The following TENM2 variants were observed in gnomAD, a reference collection of about 807,000 sequenced individuals.
TENM2 encodes the protein teneurin-2.
A neutral mutation model predicts 245.2 loss-of-function variants in TENM2; 52 were observed. The ratio of observed to expected loss-of-function variants is 0.21; its 90% CI spans 0.17 to 0.27. TENM2 has a LOEUF of 0.27. Among genes scored for constraint, TENM2 ranks in the 10% least tolerant of loss-of-function variants. The pLI is 1.00. For synonymous variants in TENM2, 1,363 were observed against 1,438.9 expected (o/e 0.95, Z 1.19); for missense variants, 3,046 against 3,666.8 (o/e 0.83, Z 4.37).
At chr5:167,908,677 T>TTCTCTCTCCCTATCTGTTTCCCTC (rs1409193992) in intron 3 of TENM2, among the ~76,000 whole-genome samples, 2 of 145,034 alleles carry the variant, frequency 1.4e-5, no homozygotes, top group Non-Finnish European at 3.0e-5. Flanking sequence ...CTATTTCTTT[T>TTCTCTCTCCCTATCTGTTTCCCTC]TCTCTCTCCC....
intron 1 of TENM2, among the ~76,000 whole-genome samples, chr5:167,329,320 C>T (rs1486987359): frequency 2.2e-4 from 33 of 149,236 alleles, no homozygotes; most frequent in African/African-American, 7.4e-4. Flanking sequence ...CCGAGGCGGG[C>T]GGATCATGAG....
chr5:167,545,599 A>G (rs1280495799), intron 2 of TENM2, among the ~76,000 whole-genome samples: 1 of 152,212 alleles, frequency 6.6e-6, no homozygotes, highest in Non-Finnish European at 1.5e-5. Context: ...TTATACATCA[A>G]ATACAATAAA....
chr5:167,735,231 G>A (rs1226715484), intron 2 of TENM2, among the ~76,000 whole-genome samples: 1 of 152,110 alleles, frequency 6.6e-6, no homozygotes, highest in African/African-American at 2.4e-5. Flanking sequence ...TGATTCCCAT[G>A]TTGAAGTCTG....
chr5:167,435,709 A>G (rs1298346015), intron 2 of TENM2, among the ~76,000 whole-genome samples: 1 of 152,178 alleles, frequency 6.6e-6, no homozygotes, highest in Admixed American at 6.5e-5. Flanking sequence ...AGATAAAAAA[A>G]TGTGGGAAAG....
At chr5:167,207,549 C>T in the TENM2 span, among the ~76,000 whole-genome samples, 10 of 152,162 alleles carry the variant, frequency 6.6e-5, no homozygotes, top group Non-Finnish European at 1.0e-4. Flanking sequence ...CAAATCATCA[C>T]TTTGCAGCCA....
chr5:168,121,996 C>A (rs114733691), intron 10 of TENM2, among the ~76,000 whole-genome samples: 1,742 of 152,296 alleles, frequency 0.011, 14 homozygotes, highest in Middle Eastern at 0.054. Context: ...AAGTTGTTAG[C>A]ACAATTTCTG....
At position 167,875,845 on chromosome 5, in the gene TENM2, T is replaced by C. The variant is rs1242502349; in HGVS notation, c.503-141T>C. 13 of 633,708 alleles carry C rather than the reference T, an allele frequency of 2.1e-5. No individual in the cohort carries two copies. The East Asian group carries it at 3.6e-4, about 17-fold the overall frequency. 39.3% of individuals were successfully genotyped at this position (633,708 alleles called of 1,614,324 possible). Reference sequence around the variant, plus strand: ...TTTGGAGAAACATCAAACCACTCTTTTAAAAAAGCACATCTGGAGCAGTTC... The same window carrying C: ...TTTGGAGAAACATCAAACCACTCTTCTAAAAAAGCACATCTGGAGCAGTTC... On this transcript the variant is annotated intron_variant, in intron 2 of 28. Transcript: ENST00000518659.
At chr5:167,368,302 T>A (rs1760188478) in intron 1 of TENM2, among the ~76,000 whole-genome samples, 1 of 152,040 alleles carries the variant, frequency 6.6e-6, no homozygotes, top group African/African-American at 2.4e-5. Flanking sequence ...TTTTTCAAAG[T>A]GATAAAGAAT....
At chr5:168,261,897 A>G (rs1394609927) in intron 28 of TENM2, among the ~76,000 whole-genome samples, 152 bp from the exon 31 acceptor site, 3 of 152,200 alleles carry the variant, frequency 2.0e-5, no homozygotes, top group Non-Finnish European at 2.9e-5. Context: ...AGCCAACCAT[A>G]GTTCCAAAAG....
chr5:167,222,352 T>C, the TENM2 span, among the ~76,000 whole-genome samples: 1 of 152,204 alleles, frequency 6.6e-6, no homozygotes, highest in Admixed American at 6.5e-5. Context: ...GTACTATCTA[T>C]AGAAGACTCC....
intron 2 of TENM2, among the ~76,000 whole-genome samples, chr5:167,775,181 TGGTCTGGAACTCCCAACCTCA>T (rs894218583): frequency 2.0e-5 from 3 of 152,262 alleles, no homozygotes; most frequent in Admixed American, 2.0e-4. Context: ...TTGGCCAGGC[TGGTCTGGAACTCCCAACCTCA>T]GGTGATCTGC....
the TENM2 span, among the ~76,000 whole-genome samples, chr5:167,163,011 T>C: frequency 0.027 from 4,170 of 152,294 alleles, 288 homozygotes; most frequent in East Asian, 0.28. Flanking sequence ...GTTCCAACAG[T>C]AGAGATGCCC....
At chr5:167,721,023 C>T (rs1478445411) in intron 2 of TENM2, among the ~76,000 whole-genome samples, 3 of 152,184 alleles carry the variant, frequency 2.0e-5, no homozygotes, top group South Asian at 2.1e-4. Context: ...TAAAGTCCTG[C>T]ATTCTCATTG....
chr5:167,028,956 G>C, the TENM2 span, among the ~76,000 whole-genome samples: 1 of 152,062 alleles, frequency 6.6e-6, no homozygotes, highest in Non-Finnish European at 1.5e-5. Flanking sequence ...GACCCTTCCA[G>C]GTCTAATTTT....
intron 1 of TENM2, among the ~76,000 whole-genome samples, chr5:167,332,425 G>A (rs1014655476): frequency 6.6e-6 from 1 of 151,820 alleles, no homozygotes; most frequent in Non-Finnish European, 1.5e-5. Flanking sequence ...CATGATGAGG[G>A]TTTCTTTGCT....
At position 167,387,377 on chromosome 5, in the gene TENM2, A is replaced by G. The variant is rs552794006; in HGVS notation, c.502+11904A>G. 3.9e-5 allele frequency among the ~76,000 whole-genome samples: 6 copies of G among 152,232 alleles called. No individual in the cohort carries two copies. The South Asian group carries it at 1.2e-3, about 32-fold the overall frequency. ...TTGTGTACACTAACTTTGTATCCGG[A>G]AAGTTTGTTGAATTCTTGGATCAGT... On this transcript the variant is annotated intron_variant, in intron 2 of 28. Coordinates refer to ENST00000518659, the Ensembl canonical transcript of TENM2.
intron 19 of TENM2, among the ~76,000 whole-genome samples, chr5:168,210,508 C>T (rs539470570): frequency 5.3e-5 from 8 of 152,180 alleles, no homozygotes; most frequent in East Asian, 1.9e-4. Context: ...AAAATAGACG[C>T]GAGAATTCCC....
chr5:167,781,548 A>C (rs1764187185), intron 2 of TENM2, among the ~76,000 whole-genome samples: 1 of 152,188 alleles, frequency 6.6e-6, no homozygotes, highest in Non-Finnish European at 1.5e-5. Context: ...CTAGCCCTAT[A>C]GCTGAGAGCG....
At chr5:168,074,985 C>T (rs560768633) in intron 7 of TENM2, among the ~76,000 whole-genome samples, 6 of 152,210 alleles carry the variant, frequency 3.9e-5, no homozygotes, top group South Asian at 2.1e-4. Flanking sequence ...TGTTTGGTTC[C>T]GTGAATAAGT....
Sources: allele counts gnomAD v4.1 joint callset (sites outside exome capture counted in the v4.1 genomes callset), GRCh38; gene constraint gnomAD v4.1.1; transcripts MANE v1.5; gene names NCBI Gene and HGNC (gene_info 2026-07-23, HGNC 2026-07-21).